The following ICA1 variants were observed in gnomAD, a reference collection of about 807,000 sequenced individuals.
ICA1 encodes the protein islet cell autoantigen 1.
Under a neutral mutation model 71.0 loss-of-function variants are expected in ICA1, and 40 were observed. The observed-to-expected ratio is 0.56, with a 90% CI of 0.44 to 0.73. The LOEUF (loss-of-function observed/expected upper bound fraction) is 0.73. ICA1 is among the 30% of genes least tolerant of loss of function. The pLI is 0.00. For synonymous variants in ICA1, 207 were observed against 209.5 expected, an observed-to-expected ratio of 0.99 and a Z score of 0.10; for missense variants, 578 against 576.5, an observed-to-expected ratio of 1.00 and a Z score of -0.03.
At position 8,130,187 on chromosome 7, in the gene ICA1, G is replaced by A. The variant is rs1258284091; in HGVS notation, c.1061-2045C>T. ...TGGGCATGTGTCTTTATAGCAGCAT[G>A]ATTTATAATCCTTTGGGTCTATACC... On this transcript the variant is annotated intron_variant, in intron 12 of 13. Coordinates refer to ENST00000402384, the MANE Select transcript of ICA1 (RefSeq NM_001136020.3). The surrounding 1 kb of genome is among the most constrained non-coding windows in gnomAD (Gnocchi z 4.2). Among the ~76,000 whole-genome samples the A allele has an allele frequency of 2.0e-5, 3 of 152,208 alleles. No individual in the cohort carries two copies. The highest frequency in any genetic ancestry group is 4.4e-5 in the Non-Finnish European group (3 of 68,038).
At position 8,144,115 on chromosome 7, in the gene ICA1, G is replaced by A. The variant is rs115094481; in HGVS notation, c.805-143C>T. ...AAACTTTGAATTACAGGTATTGGGA[G>A]GTGACCTTGAACCAATCAGCTGGAA... is the stretch of plus-strand genomic sequence containing the variant. On this transcript the variant is annotated intron_variant, in intron 8 of 13. Coordinates refer to ENST00000402384, the MANE Select transcript of ICA1 (RefSeq NM_001136020.3). This position sits in a 1 kb window ranked among gnomAD's most constrained non-coding sequence, Gnocchi z 4.5. 1,483 of 614,214 alleles carry A rather than the reference G, an allele frequency of 2.4e-3. 31 individuals carry two copies. In the African/African-American group the frequency reaches 0.026, roughly 11 times the overall value. The allele number at this position is 614,214 out of a possible 1,614,324, so 38.0% of individuals were successfully genotyped here.
At chr7:8,187,041 T>G (rs1784129115) in intron 6 of ICA1, among the ~76,000 whole-genome samples, 1 of 152,238 alleles carries the variant, frequency 6.6e-6, no homozygotes, top group African/African-American at 2.4e-5. Flanking sequence ...GATTTAATCC[T>G]CATTAGAATC....
intron 13 of ICA1, among the ~76,000 whole-genome samples, chr7:8,120,486 G>C (rs1786485073): frequency 6.6e-6 from 1 of 152,162 alleles, no homozygotes; most frequent in Non-Finnish European, 1.5e-5. Flanking sequence ...AGAGAACTTA[G>C]TGTTGCTAAT....
intron 6 of ICA1, among the ~76,000 whole-genome samples, chr7:8,194,448 T>C (rs1013334417): frequency 6.6e-6 from 1 of 152,230 alleles, no homozygotes; most frequent in East Asian, 1.9e-4. Context: ...ACAACTTACT[T>C]ATTTGTGAGA....
At chr7:8,170,585 C>A (rs74768645) in intron 6 of ICA1, among the ~76,000 whole-genome samples, 1 of 151,866 alleles carries the variant, frequency 6.6e-6, no homozygotes, top group South Asian at 2.1e-4. Context: ...TATTTTGATG[C>A]TATTATAATT....
intron 1 of ICA1, among the ~76,000 whole-genome samples, chr7:8,237,747 T>C (rs1391140473): frequency 6.6e-6 from 1 of 152,178 alleles, no homozygotes; most frequent in African/African-American, 2.4e-5. Context: ...GGTTCATCTG[T>C]GTTGTAGTAT....
At chr7:8,256,399 G>T (rs953075837) in intron 1 of ICA1, among the ~76,000 whole-genome samples, 1 of 151,856 alleles carries the variant, frequency 6.6e-6, no homozygotes, top group African/African-American at 2.4e-5. Context: ...CCCTCCGATA[G>T]AACTATTCCC....
chr7:8,241,527 G>C (rs1209237991), intron 1 of ICA1, among the ~76,000 whole-genome samples: 1 of 135,650 alleles, frequency 7.4e-6, no homozygotes, highest in Non-Finnish European at 1.6e-5. Flanking sequence ...AAAATAACCA[G>C]CTAACATCAT....
chr7:8,120,420 A>C (rs1786456648), intron 13 of ICA1, among the ~76,000 whole-genome samples: 1 of 152,236 alleles, frequency 6.6e-6, no homozygotes, highest in Non-Finnish European at 1.5e-5. Flanking sequence ...TTATGGATTG[A>C]ATGCCAAGCC....
At chr7:8,176,203 A>G (rs540557343) in intron 6 of ICA1, among the ~76,000 whole-genome samples, 94 of 152,270 alleles carry the variant, frequency 6.2e-4, no homozygotes, top group African/African-American at 2.2e-3. Flanking sequence ...CTCCTTTCCC[A>G]TGTTACCTTC....
intron 1 of ICA1, among the ~76,000 whole-genome samples, chr7:8,253,265 T>C (rs1327282987): frequency 6.6e-6 from 1 of 152,224 alleles, no homozygotes; most frequent in Non-Finnish European, 1.5e-5. Context: ...AATAAAATCA[T>C]ATGTATCTTC....
chr7:8,218,451 G>C lies in ICA1; in HGVS notation c.433C>G (p.Arg145Gly). The C allele has an allele frequency of 6.2e-7, 1 of 1,614,086 alleles. No individual in the cohort carries two copies. The highest frequency in any genetic ancestry group is 8.5e-7 in the Non-Finnish European group (1 of 1,179,998). The part of the protein sequence containing the change: ...CRFHQEVETF[R>G]HRAISDTWLT... ...CAAGTATCTGAGATGGCCCGATGCC[G>C]AAAAGTCTCCACTTCTTGGTGAAAT... Residue 145 changes from arginine (R) to glycine (G), a missense_variant, in exon 6 of 14, where the codon CGG becomes GGG. Coordinates refer to ENST00000402384, the MANE Select transcript of ICA1 (RefSeq NM_001136020.3).
intron 8 of ICA1, among the ~76,000 whole-genome samples, chr7:8,148,897 G>A (rs1256445740): frequency 1.3e-5 from 2 of 152,124 alleles, no homozygotes; most frequent in African/African-American, 2.4e-5. Context: ...TTAGTTCCTG[G>A]GTGTGACTGT....
intron 8 of ICA1, among the ~76,000 whole-genome samples, chr7:8,153,557 A>T (rs1488001899): frequency 6.6e-6 from 1 of 152,144 alleles, no homozygotes; most frequent in Non-Finnish European, 1.5e-5. Context: ...AAAGTAAATG[A>T]CATCCTCGAA....
intron 7 of ICA1, chr7:8,157,863 T>C (rs1474087688): frequency 6.6e-6 from 1 of 151,936 alleles, no homozygotes. Flanking sequence ...AATTTTTGTA[T>C]TTTTTTAGTA....
intron 6 of ICA1, among the ~76,000 whole-genome samples, chr7:8,190,405 TGTAAAA>T (rs753810174): frequency 1.1e-4 from 16 of 152,146 alleles, no homozygotes; most frequent in Non-Finnish European, 1.9e-4. Context: ...TCACAAATGT[TGTAAAA>T]GTAAATGTAC....
At chr7:8,181,768 T>C (rs1225429833) in intron 6 of ICA1, among the ~76,000 whole-genome samples, 2 of 152,198 alleles carry the variant, frequency 1.3e-5, no homozygotes. Context: ...AATTAAGAAA[T>C]GTGAGGCATG....
intron 13 of ICA1, chr7:8,115,052 C>T (rs1037361937): frequency 2.0e-5 from 3 of 152,220 alleles, no homozygotes; most frequent in South Asian, 2.1e-4. Flanking sequence ...TCAGTATAAA[C>T]AGGGCCTTTG....
chr7:8,165,637 C>T (rs1805636393), intron 6 of ICA1, among the ~76,000 whole-genome samples: 1 of 152,186 alleles, frequency 6.6e-6, no homozygotes, highest in African/African-American at 2.4e-5. Context: ...ATCATCTCTT[C>T]CCAAAGCTTC....
Sources: allele counts gnomAD v4.1 joint callset (sites outside exome capture counted in the v4.1 genomes callset), GRCh38; gene constraint gnomAD v4.1.1; non-coding constraint Gnocchi (gnomAD v3.1); transcripts MANE v1.5; gene names NCBI Gene and HGNC (gene_info 2026-07-23, HGNC 2026-07-21).